The following RUNX1T1 variants were observed in gnomAD, a reference collection of about 807,000 sequenced individuals.
RUNX1T1 encodes the protein protein CBFA2T1.
A neutral mutation model predicts 62.8 loss-of-function variants in RUNX1T1; 4 were observed. That is an observed-to-expected ratio of 0.06 (90% CI 0.03 to 0.15). RUNX1T1 has a LOEUF of 0.15. RUNX1T1 is among the 10% of genes least tolerant of loss of function. The pLI, the probability that RUNX1T1 is intolerant of heterozygous loss-of-function variation, is 1.00. For missense variants in RUNX1T1, 508 were observed against 754.3 expected, an observed-to-expected ratio of 0.67 and a Z score of 3.82; for synonymous variants, 291 against 286.0, an observed-to-expected ratio of 1.02 and a Z score of -0.18.
chr8:92,014,621 G>T (rs139026255), exon 3 of RUNX1T1: 1 of 1,612,768 alleles, frequency 6.2e-7, no homozygotes, highest in Non-Finnish European at 8.5e-7. Context: ...CTCCTATCTC[G>T]GGTGAAATGT....
At chr8:91,974,809 AAT>A (rs1177547324) in intron 9 of RUNX1T1, among the ~76,000 whole-genome samples, 1 of 152,190 alleles carries the variant, frequency 6.6e-6, no homozygotes, top group Non-Finnish European at 1.5e-5. Context: ...CTAAACCTAG[AAT>A]GCTATCAGAT....
At chr8:92,033,683 AT>A (rs961521803) in intron 1 of RUNX1T1, among the ~76,000 whole-genome samples, 4 of 152,168 alleles carry the variant, frequency 2.6e-5, no homozygotes, top group Admixed American at 2.6e-4. Context: ...AAAAATTAAA[AT>A]TTTTTGGCTG....
chr8:91,974,016 G>A (rs1813391750), intron 9 of RUNX1T1, among the ~76,000 whole-genome samples: 2 of 152,050 alleles, frequency 1.3e-5, no homozygotes, highest in African/African-American at 4.8e-5. Context: ...TCCTAGATAA[G>A]GTTTAACCCT....
At chr8:92,007,132 A>G (rs1026497000) in intron 4 of RUNX1T1, among the ~76,000 whole-genome samples, 1 of 152,170 alleles carries the variant, frequency 6.6e-6, no homozygotes, top group Non-Finnish European at 1.5e-5. Context: ...ATAAAGCAAA[A>G]ATAACATTTC....
intron 1 of RUNX1T1, among the ~76,000 whole-genome samples, chr8:92,077,932 A>G (rs1290115629): frequency 2.0e-5 from 3 of 152,124 alleles, no homozygotes. Context: ...ATTAAAAATG[A>G]TCTCTCAATT....
chr8:91,968,574 C>A (rs1812131639), intron 10 of RUNX1T1, among the ~76,000 whole-genome samples: 1 of 152,124 alleles, frequency 6.6e-6, no homozygotes, highest in South Asian at 2.1e-4. Context: ...AGAAAAGAGG[C>A]TTAATCCTTC....
chr8:91,957,981 G>T (rs1159794914), downstream of RUNX1T1: 2 of 219,344 alleles, frequency 9.1e-6, no homozygotes, highest in Non-Finnish European at 1.8e-5. Flanking sequence ...ATACAGGGAA[G>T]AAATGCTTTT....
At chr8:91,971,567 CTT>C (rs1812833348) in intron 9 of RUNX1T1, among the ~76,000 whole-genome samples, 5 of 152,156 alleles carry the variant, frequency 3.3e-5, no homozygotes. Context: ...TCCAGTTTTA[CTT>C]TTGAAAAGTC....
At chr8:92,089,927 A>T (rs1010953118) in intron 1 of RUNX1T1, among the ~76,000 whole-genome samples, 26 of 19,152 alleles carry the variant, frequency 1.4e-3, no homozygotes, top group Non-Finnish European at 3.1e-3. Context: ...CCTGAATTTA[A>T]AAAAAAAAAA....
At chr8:91,987,281 T>C (rs1166304543) in intron 6 of RUNX1T1, among the ~76,000 whole-genome samples, 2 of 152,182 alleles carry the variant, frequency 1.3e-5, no homozygotes, top group East Asian at 3.9e-4. Flanking sequence ...TAAAAATATA[T>C]TCTAACTCTT....
chr8:92,020,840 T>C (rs1042879557), intron 1 of RUNX1T1, among the ~76,000 whole-genome samples: 1 of 152,042 alleles, frequency 6.6e-6, no homozygotes, highest in Admixed American at 6.5e-5. Flanking sequence ...TTTTTTTTTT[T>C]TTCAATAAAA....
At chr8:91,969,060 C>A (rs1812226803) in intron 10 of RUNX1T1, among the ~76,000 whole-genome samples, 1 of 150,430 alleles carries the variant, frequency 6.6e-6, no homozygotes, top group Non-Finnish European at 1.5e-5. Flanking sequence ...AAGATCAGTT[C>A]CCCCAAGAGG....
chr8:91,980,873 T>C (rs942266071), intron 8 of RUNX1T1, among the ~76,000 whole-genome samples: 19 of 152,042 alleles, frequency 1.2e-4, no homozygotes, highest in Admixed American at 1.1e-3. Context: ...GGTCTCACTA[T>C]GTTTTCCAGG....
chr8:92,021,626 G>A (rs2131216394), intron 1 of RUNX1T1, among the ~76,000 whole-genome samples: 1 of 152,264 alleles, frequency 6.6e-6, no homozygotes, highest in South Asian at 2.1e-4. Flanking sequence ...TCTCAAGCAA[G>A]TTAGTTTTCC....
At chr8:92,044,125 A>T (rs1828975672) in intron 1 of RUNX1T1, among the ~76,000 whole-genome samples, 2 of 152,186 alleles carry the variant, frequency 1.3e-5, no homozygotes, top group South Asian at 4.1e-4. Flanking sequence ...AGACAAAACA[A>T]AACTCAGAAA....
intron 1 of RUNX1T1, among the ~76,000 whole-genome samples, chr8:92,043,872 G>A (rs1828907531): frequency 1.3e-5 from 2 of 151,658 alleles, no homozygotes; most frequent in Non-Finnish European, 2.9e-5. Flanking sequence ...CAGCTACCTG[G>A]GAGGCTGAGG....
intron 1 of RUNX1T1, among the ~76,000 whole-genome samples, chr8:92,050,632 A>T (rs923082762): frequency 1.3e-5 from 2 of 152,218 alleles, no homozygotes; most frequent in African/African-American, 4.8e-5. Context: ...AATCCAACAG[A>T]CATTTTACTG....
intron 10 of RUNX1T1, among the ~76,000 whole-genome samples, chr8:91,962,418 C>T (rs1810687989): frequency 6.6e-6 from 1 of 152,150 alleles, no homozygotes; most frequent in Non-Finnish European, 1.5e-5. Context: ...CAAAAAATGT[C>T]ATAAGTTAAA....
At chr8:92,002,422 AC>A (rs1224982593) in intron 5 of RUNX1T1, among the ~76,000 whole-genome samples, 3 of 152,164 alleles carry the variant, frequency 2.0e-5, no homozygotes, top group Non-Finnish European at 2.9e-5. Context: ...AAGAAAAAAA[AC>A]ATAACCAGTG....
Sources: gnomAD v4.1 joint callset for allele counts (sites outside exome capture counted in the v4.1 genomes callset) on GRCh38, gnomAD v4.1.1 for gene constraint, MANE v1.5 for transcripts, NCBI Gene and HGNC (gene_info 2026-07-23, HGNC 2026-07-21) for gene names.